The following AFG2A variants were observed in gnomAD, a reference collection of about 807,000 sequenced individuals.
AFG2A encodes ATPase family gene 2 protein homolog A.
At chr4:123,000,212 A>G in the AFG2A span, among the ~76,000 whole-genome samples, 1 of 150,404 alleles carries the variant, frequency 6.6e-6, no homozygotes, top group African/African-American at 2.5e-5. Context: ...GGGCTGAGAC[A>G]GTGGGGTTTT....
chr4:122,967,675 T>C, the AFG2A span, among the ~76,000 whole-genome samples: 1,737 of 152,248 alleles, frequency 0.011, 51 homozygotes, highest in South Asian at 0.11. Context: ...CTGTTTTTAT[T>C]ATTTTTTTAA....
chr4:123,105,051 T>C, the AFG2A span, among the ~76,000 whole-genome samples: 2 of 152,218 alleles, frequency 1.3e-5, no homozygotes, highest in African/African-American at 4.8e-5. Context: ...TCTAGGACTT[T>C]CATAGCTAGA....
the AFG2A span, among the ~76,000 whole-genome samples, chr4:123,282,589 A>T: frequency 0.031 from 4,775 of 152,074 alleles, 241 homozygotes; most frequent in African/African-American, 0.11. Flanking sequence ...TTCTTTCTAA[A>T]CCTTCCTTAG....
At chr4:123,057,810 TACACACACAC>T in the AFG2A span, among the ~76,000 whole-genome samples, 1 of 151,486 alleles carries the variant, frequency 6.6e-6, no homozygotes, top group Non-Finnish European at 1.5e-5. Flanking sequence ...AACAAATATA[TACACACACAC>T]ACACACACAC....
the AFG2A span, among the ~76,000 whole-genome samples, chr4:123,132,487 TTG>T: frequency 1.8e-4 from 27 of 149,080 alleles, no homozygotes; most frequent in African/African-American, 2.5e-4. Flanking sequence ...TGAATTATAT[TTG>T]TGTGTGTGTG....
At chr4:122,948,285 C>T in the AFG2A span, among the ~76,000 whole-genome samples, 11 of 151,822 alleles carry the variant, frequency 7.2e-5, no homozygotes, top group South Asian at 4.2e-4. Flanking sequence ...ATGCCATTAA[C>T]GGGCTTGAGC....
chr4:123,056,296 C>CT, the AFG2A span: 6 of 1,225,780 alleles, frequency 4.9e-6, no homozygotes, highest in East Asian at 1.6e-4. Context: ...TGTTTATTTT[C>CT]TCTTTTGTGT....
the AFG2A span, among the ~76,000 whole-genome samples, chr4:122,926,793 A>G: frequency 1.3e-5 from 2 of 152,210 alleles, no homozygotes; most frequent in Admixed American, 6.5e-5. Flanking sequence ...TATTTACTAC[A>G]TTTATTCATT....
the AFG2A span, among the ~76,000 whole-genome samples, chr4:123,032,079 T>C: frequency 6.6e-6 from 1 of 152,242 alleles, no homozygotes; most frequent in African/African-American, 2.4e-5. Context: ...TATGAAGAAC[T>C]GTCACTAATT....
At chr4:123,207,619 G>A in the AFG2A span, among the ~76,000 whole-genome samples, 1 of 152,118 alleles carries the variant, frequency 6.6e-6, no homozygotes, top group Non-Finnish European at 1.5e-5. Flanking sequence ...GCCTAGCCCA[G>A]TTGTGTTTCT....
At chr4:123,283,358 AAGAGAG>A in the AFG2A span, among the ~76,000 whole-genome samples, 14 of 149,108 alleles carry the variant, frequency 9.4e-5, no homozygotes, top group South Asian at 4.2e-4. Context: ...GGAAAAAAAA[AAGAGAG>A]AGAGAGAGAG....
the AFG2A span, among the ~76,000 whole-genome samples, chr4:122,956,590 C>G: frequency 6.6e-6 from 1 of 152,226 alleles, no homozygotes; most frequent in South Asian, 2.1e-4. Flanking sequence ...CTATTTTCCC[C>G]TAATCTAGCA....
the AFG2A span, among the ~76,000 whole-genome samples, chr4:123,175,929 G>A: frequency 1.3e-5 from 2 of 152,200 alleles, no homozygotes; most frequent in African/African-American, 4.8e-5. Context: ...ACACCTTGCA[G>A]AACTGGGGGT....
chr4:123,079,995 C>T, the AFG2A span, among the ~76,000 whole-genome samples: 24 of 152,024 alleles, frequency 1.6e-4, no homozygotes, highest in African/African-American at 5.6e-4. Flanking sequence ...GTGATCCATG[C>T]GCCTTGGCCT....
chr4:123,104,190 G>T, the AFG2A span, among the ~76,000 whole-genome samples: 1 of 152,030 alleles, frequency 6.6e-6, no homozygotes, highest in East Asian at 1.9e-4. Context: ...ACATTTTGGT[G>T]ATTTTTGTAA....
the AFG2A span, chr4:123,317,582 C>G: frequency 6.6e-6 from 1 of 152,212 alleles, no homozygotes; most frequent in African/African-American, 2.4e-5. Context: ...TACAATCTAA[C>G]AGTTCTCCTA....
chr4:123,152,979 A>T, the AFG2A span, among the ~76,000 whole-genome samples: 1 of 152,246 alleles, frequency 6.6e-6, no homozygotes, highest in African/African-American at 2.4e-5. Flanking sequence ...TTGAATGCTT[A>T]TGTTAAATTA....
chr4:123,090,845 G>T, the AFG2A span: 1 of 1,181,590 alleles, frequency 8.5e-7, no homozygotes. Context: ...GGTTCACTGT[G>T]GACTGGTTAC....
At chr4:123,008,492 C>G in the AFG2A span, among the ~76,000 whole-genome samples, 1 of 152,108 alleles carries the variant, frequency 6.6e-6, no homozygotes, top group African/African-American at 2.4e-5. Flanking sequence ...ACTTTATGAT[C>G]AGAAACAAAG....
Sources: allele counts gnomAD v4.1 joint callset (sites outside exome capture counted in the v4.1 genomes callset), GRCh38; gene constraint gnomAD v4.1.1; transcripts MANE v1.5; gene names NCBI Gene and HGNC (gene_info 2026-07-23, HGNC 2026-07-21).